Variants in TAF4B observed in about 807,000 individuals in gnomAD.
The protein encoded by TAF4B is transcription initiation factor TFIID subunit 4B.
In TAF4B, 38 loss-of-function variants were observed where a neutral mutation model predicts 86.4. The observed-to-expected ratio is 0.44, with a 90% confidence interval of 0.34 to 0.58. The LOEUF (loss-of-function observed/expected upper bound fraction) is 0.58, where lower values mean the gene tolerates loss of function less well. Ranked by LOEUF, TAF4B falls within the 20% of genes least tolerant of loss-of-function variation. The pLI, the probability that TAF4B is intolerant of heterozygous loss-of-function variation, is 0.02. For synonymous variants in TAF4B, 388 were observed against 391.2 expected (o/e 0.99, Z 0.10); for missense variants, 988 against 1,027.6 (o/e 0.96, Z 0.53).
chr18:26,322,415 A>T (rs1207042283), intron 11 of TAF4B, among the ~76,000 whole-genome samples: 1 of 152,100 alleles, frequency 6.6e-6, no homozygotes, highest in African/African-American at 2.4e-5. Flanking sequence ...AAAAAAACAA[A>T]AAATTAATAT....
At chr18:26,312,790 C>T (rs565852638) in intron 9 of TAF4B, among the ~76,000 whole-genome samples, 16 of 152,170 alleles carry the variant, frequency 1.1e-4, no homozygotes, top group Admixed American at 3.9e-4. Context: ...TGGAGTTACC[C>T]GCACGTTAAA....
rs553719265 is a variant in TAF4B, at chr18:26,340,845, G to A, written c.2316+5614G>A. Among the ~76,000 whole-genome samples, 8 of 152,224 alleles carry A rather than the reference G, an allele frequency of 5.3e-5. No individual in the cohort carries two copies. In the East Asian group the frequency reaches 1.4e-3, roughly 26 times the overall value. On this transcript the variant is annotated intron_variant, in intron 13 of 14. Coordinates refer to ENST00000269142, the MANE Select transcript of TAF4B (RefSeq NM_005640.3). The stretch of plus-strand genomic sequence containing the variant: ...TTGGGAATCTGAGATTTGGCCTCTT[G>A]AACTGTCATAGTTCATTTATCATCC...
Position 26,286,354 on chromosome 18 carries a change from C to T in TAF4B, c.1445C>T (p.Pro482Leu), listed in dbSNP as rs201004140. ...GETSGAAICL[P>L]SVKPVVSSAG... ...ACTTCAGGTGCAGCTATTTGTCTTC[C>T]ATCTGTGAAACCTGTTGTTTCTTCT... The change falls in exon 7 of 15, where the codon CCA becomes CTA. Residue 482 changes from proline to leucine, a missense_variant. Transcript: ENST00000269142. 1.9e-5 allele frequency: 31 copies of T among 1,614,116 alleles called. No individual in the cohort carries two copies. Among genetic ancestry groups the T allele is most frequent in the Non-Finnish European group, 2.5e-5 (30 of 1,180,048 alleles).
At chr18:26,263,068 A>T (rs1202428789) in intron 1 of TAF4B, among the ~76,000 whole-genome samples, 1 of 152,122 alleles carries the variant, frequency 6.6e-6, no homozygotes, top group Non-Finnish European at 1.5e-5. Context: ...CTCCCACCTC[A>T]GTCTCTTGAG....
At chr18:26,303,852 C>A (rs1158901910) in intron 9 of TAF4B, among the ~76,000 whole-genome samples, 1 of 152,096 alleles carries the variant, frequency 6.6e-6, no homozygotes, top group African/African-American at 2.4e-5. Context: ...TAATTTGGAT[C>A]CTTCTATGAA....
At chr18:26,320,883 C>T (rs572740502) in intron 10 of TAF4B, among the ~76,000 whole-genome samples, 187 bp from the exon 11 acceptor site, 1 of 152,266 alleles carries the variant, frequency 6.6e-6, no homozygotes, top group Admixed American at 6.5e-5. Flanking sequence ...TCTGAGGCTT[C>T]AGGCTAGGTT....
At chr18:26,244,328 C>G (rs1432297957) in intron 1 of TAF4B, among the ~76,000 whole-genome samples, 1 of 152,248 alleles carries the variant, frequency 6.6e-6, no homozygotes, top group Non-Finnish European at 1.5e-5. Context: ...TCTCAGACTG[C>G]TGTGCTAGCA....
chr18:26,382,787 A>G (rs1331885004), intron 14 of TAF4B, among the ~76,000 whole-genome samples: 1 of 152,220 alleles, frequency 6.6e-6, no homozygotes, highest in Non-Finnish European at 1.5e-5. Flanking sequence ...CAGGTACAAA[A>G]TCTTTTTATT....
At position 26,286,295 on chromosome 18, in the gene TAF4B, A is replaced by G; in HGVS notation, c.1386A>G (p.Val462=). 1 of 1,614,256 alleles carries G rather than the reference A, an allele frequency of 6.2e-7. No homozygotes were observed. Among genetic ancestry groups the G allele is most frequent in the Non-Finnish European group, 8.5e-7 (1 of 1,180,040 alleles). The change falls in exon 7 of 15, where the codon GTA becomes GTG. Residue 462 remains valine (V), a synonymous_variant. Coordinates refer to ENST00000269142, the MANE Select transcript of TAF4B (RefSeq NM_005640.3). ...PEKPVVSGTA[V]TLSLPAVTFG... ...AGCCAGTTGTCTCTGGAACAGCAGT[A>G]ACACTGTCCCTTCCAGCAGTAACTT...
chr18:26,343,872 A>G (rs755341842), intron 13 of TAF4B, among the ~76,000 whole-genome samples: 17 of 152,316 alleles, frequency 1.1e-4, no homozygotes, highest in Non-Finnish European at 2.2e-4. Flanking sequence ...AATATTCAGG[A>G]TACAATACAA....
intron 9 of TAF4B, chr18:26,295,264 T>C: frequency 2.8e-6 from 1 of 362,128 alleles, no homozygotes. Context: ...CTGTCATCTC[T>C]TGGTTGGATG....
intron 13 of TAF4B, among the ~76,000 whole-genome samples, chr18:26,346,196 C>A (rs911981054): frequency 6.6e-6 from 1 of 152,026 alleles, no homozygotes; most frequent in East Asian, 1.9e-4. Context: ...AGAAATCCTA[C>A]AGCTGTAGAA....
chr18:26,257,284 C>T (rs927613564), intron 1 of TAF4B, among the ~76,000 whole-genome samples: 20 of 152,174 alleles, frequency 1.3e-4, no homozygotes, highest in Admixed American at 1.3e-3. Flanking sequence ...TAAAATGTTA[C>T]ATCGTGTTGA....
intron 13 of TAF4B, among the ~76,000 whole-genome samples, chr18:26,345,296 A>C (rs1031556793): frequency 6.6e-6 from 1 of 152,118 alleles, no homozygotes; most frequent in Non-Finnish European, 1.5e-5. Context: ...CTCACCAGAC[A>C]TGTCTTTAGA....
At chr18:26,375,021 TC>T (rs1428839348) in intron 14 of TAF4B, among the ~76,000 whole-genome samples, 1 of 152,184 alleles carries the variant, frequency 6.6e-6, no homozygotes, top group African/African-American at 2.4e-5. Context: ...CACTATTTAA[TC>T]CCAGAACATT....
At position 26,390,704 on chromosome 18, in the gene TAF4B, TG is replaced by T. The variant is rs1384604594; in HGVS notation, c.*693del. 1 of 152,054 alleles carries T rather than the reference TG, an allele frequency of 6.6e-6. No homozygotes were observed. Among genetic ancestry groups the T allele is most frequent in the Non-Finnish European group, 1.5e-5 (1 of 68,024 alleles). The allele number at this position is 152,054 out of a possible 1,614,324, so 9.4% of individuals were successfully genotyped here. On this transcript the variant is annotated 3_prime_UTR_variant, in exon 15 of 15. Transcript: ENST00000269142. ...TATCTTGTTGAAAAAATGGAAAAGG[TG>T]CAAAGTATTAGAAGGAACGTTAGGG...
chr18:26,389,226 A>G (rs1461044990), intron 14 of TAF4B, among the ~76,000 whole-genome samples: 1 of 152,220 alleles, frequency 6.6e-6, no homozygotes, highest in Non-Finnish European at 1.5e-5. Flanking sequence ...AAATGGGGAC[A>G]GCGCTTATAT....
At chr18:26,293,556 G>A in intron 9 of TAF4B, 25 bp downstream of exon 9, 1 of 1,488,334 alleles carries the variant, frequency 6.7e-7, no homozygotes. Flanking sequence ...AGTTAAATTT[G>A]GTTTAAGGAA....
intron 9 of TAF4B, among the ~76,000 whole-genome samples, chr18:26,297,992 C>T (rs2056685345): frequency 1.3e-5 from 2 of 151,846 alleles, no homozygotes; most frequent in African/African-American, 4.8e-5. Context: ...AGTTGCTCTG[C>T]ATCCTTGCTA....
Sources: gnomAD v4.1 joint callset for allele counts (sites outside exome capture counted in the v4.1 genomes callset) on GRCh38, gnomAD v4.1.1 for gene constraint, MANE v1.5 for transcripts, NCBI Gene and HGNC (gene_info 2026-07-23, HGNC 2026-07-21) for gene names.